Variants in NDST3 observed in about 807,000 individuals in gnomAD.
NDST3 encodes the protein N-deacetylase and N-sulfotransferase 3.
In NDST3, 58 loss-of-function variants were observed where a neutral mutation model predicts 96.1. The observed-to-expected ratio is 0.60, with a 90% CI of 0.49 to 0.75. The LOEUF is 0.75. NDST3 is among the 30% of genes least tolerant of loss of function. The probability of loss-of-function intolerance (pLI) is 0.00; values close to 1 mark genes in which losing one functional copy is unlikely to be tolerated. For missense variants in NDST3, 788 were observed against 1,034.2 expected, an observed-to-expected ratio of 0.76 and a Z score of 3.27; for synonymous variants, 333 against 359.7, an observed-to-expected ratio of 0.93 and a Z score of 0.84.
intron 6 of NDST3, among the ~76,000 whole-genome samples, chr4:118,174,274 A>G (rs549019782): frequency 1.1e-4 from 16 of 152,294 alleles, no homozygotes; most frequent in Non-Finnish European, 1.6e-4. Flanking sequence ...ATGAAAAATC[A>G]TATCAGTTTC....
intron 4 of NDST3, among the ~76,000 whole-genome samples, chr4:118,126,909 C>T (rs935827596): frequency 3.2e-4 from 48 of 151,988 alleles, no homozygotes; most frequent in Non-Finnish European, 6.3e-4. Context: ...GATGACATCT[C>T]ATTATAGTTT....
At chr4:118,195,523 T>A (rs1221067940) in intron 6 of NDST3, among the ~76,000 whole-genome samples, 1 of 152,238 alleles carries the variant, frequency 6.6e-6, no homozygotes, top group Non-Finnish European at 1.5e-5. Flanking sequence ...CCATTAAACC[T>A]TTTTCCTTTA....
At chr4:118,146,469 C>T (rs541090308) in intron 6 of NDST3, among the ~76,000 whole-genome samples, 1 of 152,070 alleles carries the variant, frequency 6.6e-6, no homozygotes, top group Non-Finnish European at 1.5e-5. Flanking sequence ...TATCAAGGTG[C>T]TATACTAACT....
chr4:118,230,586 AAAG>A (rs1560733550), intron 8 of NDST3, among the ~76,000 whole-genome samples: 1 of 152,192 alleles, frequency 6.6e-6, no homozygotes. Context: ...AAAAAAAAAA[AAAG>A]AAGTGAAATT....
In NDST3 at chr4:118,205,210, A is replaced by T. The variant is rs553304339; in HGVS notation, c.1540-19281A>T. On this transcript the variant is annotated intron_variant, in intron 6 of 13. Transcript: ENST00000296499. The stretch of plus-strand genomic sequence containing the variant: ...TTGTGAATGGGGAAGATTTTCATTT[A>T]TGCAGATGGGCTTGAGATAGACAAA... 2.1e-5 allele frequency among the ~76,000 whole-genome samples: 3 copies of T among 144,412 alleles called. 1 individual carries two copies. Among genetic ancestry groups the T allele is most frequent in the African/African-American group, 7.7e-5 (3 of 39,130 alleles). The allele number at this position is 144,412 out of a possible 152,430, so 94.7% of individuals were successfully genotyped here. A position where few individuals can be genotyped will look rare whatever the true frequency, so the allele number is the denominator to read the frequency against.
At chr4:118,191,116 G>A (rs956044116) in intron 6 of NDST3, among the ~76,000 whole-genome samples, 6 of 152,106 alleles carry the variant, frequency 3.9e-5, no homozygotes, top group Non-Finnish European at 7.4e-5. Context: ...TTTCTAAAGG[G>A]AAAACTCTTA....
intron 1 of NDST3, among the ~76,000 whole-genome samples, chr4:118,038,354 A>G (rs1397934891): frequency 6.6e-6 from 1 of 152,176 alleles, no homozygotes; most frequent in Non-Finnish European, 1.5e-5. Flanking sequence ...TGAATAAAAC[A>G]TATTCTTCTC....
At chr4:118,151,580 T>C (rs1471086776) in intron 6 of NDST3, among the ~76,000 whole-genome samples, 1 of 152,030 alleles carries the variant, frequency 6.6e-6, no homozygotes, top group African/African-American at 2.4e-5. Flanking sequence ...TAGGTAAATG[T>C]TAGGATCAGG....
intron 2 of NDST3, among the ~76,000 whole-genome samples, chr4:118,063,619 C>T (rs1425831582): frequency 6.6e-6 from 1 of 152,098 alleles, no homozygotes; most frequent in Non-Finnish European, 1.5e-5. Context: ...CCTGTACAGA[C>T]TGCAGTAAGT....
intron 6 of NDST3, among the ~76,000 whole-genome samples, chr4:118,195,264 A>C (rs10014402): frequency 2.0e-5 from 3 of 152,130 alleles, no homozygotes; most frequent in Non-Finnish European, 4.4e-5. Flanking sequence ...CCCTACCCAA[A>C]TCTCACCTTG....
At chr4:118,084,739 G>C (rs1340923437) in intron 2 of NDST3, among the ~76,000 whole-genome samples, 1 of 152,052 alleles carries the variant, frequency 6.6e-6, no homozygotes, top group African/African-American at 2.4e-5. Flanking sequence ...AACAAATAAA[G>C]GTTAAAAACA....
At chr4:118,066,571 A>G (rs1260730417) in intron 2 of NDST3, among the ~76,000 whole-genome samples, 2 of 84,436 alleles carry the variant, frequency 2.4e-5, no homozygotes, top group African/African-American at 1.0e-4. Flanking sequence ...TATATTATAT[A>G]TACATTATAT....
Position 118,054,428 on chromosome 4 carries a change from A to G in NDST3, c.518A>G (p.Gln173Arg). 6.2e-7 allele frequency: 1 copy of G among 1,613,144 alleles called. No homozygotes were observed. Among genetic ancestry groups the G allele is most frequent in the South Asian group, 1.1e-5 (1 of 91,040 alleles). ...CACAAAACTAGTGAGAAGAGTGTAC[A>G]GAGCTTTCAGTTAAAAGGTTTCCCT... Reference protein sequence around the residue: ...GFHKTSEKSVQSFQLKGFPFS... With the variant: ...GFHKTSEKSVRSFQLKGFPFS... Residue 173 changes from glutamine to arginine, a missense_variant, in exon 2 of 14, where the codon CAG (glutamine) becomes CGG (arginine). Gln to Arg is a conservative substitution (Grantham distance 43, BLOSUM62 1). Around this residue, in one of 3 missense-constraint regions of NDST3, gnomAD observed 234 missense variants for 256.9 expected, o/e 0.91. Transcript: ENST00000296499.
intron 6 of NDST3, among the ~76,000 whole-genome samples, chr4:118,210,392 C>A (rs902837341): frequency 6.6e-6 from 1 of 152,074 alleles, no homozygotes; most frequent in Non-Finnish European, 1.5e-5. Flanking sequence ...AATTATGTGC[C>A]CTTTTTTCCA....
intron 2 of NDST3, among the ~76,000 whole-genome samples, chr4:118,076,132 T>C (rs1727507280): frequency 1.3e-5 from 2 of 152,186 alleles, no homozygotes; most frequent in African/African-American, 4.8e-5. Context: ...CCCCCAATCT[T>C]TTCTGGCTTG....
intron 3 of NDST3, among the ~76,000 whole-genome samples, chr4:118,114,601 A>G (rs970689567): frequency 2.6e-5 from 4 of 152,216 alleles, no homozygotes; most frequent in Admixed American, 2.6e-4. Context: ...ATGTTTAATA[A>G]CATTTAAGAG....
chr4:118,255,474 T>G, intron 13 of NDST3, 119 bp from the exon 14 acceptor site: 1 of 1,049,988 alleles, frequency 9.5e-7, no homozygotes, highest in Non-Finnish European at 1.4e-6. Context: ...ATAGTCCATA[T>G]GCTTAATACA....
At chr4:118,222,026 T>C (rs960364206) in intron 6 of NDST3, among the ~76,000 whole-genome samples, 11 of 151,602 alleles carry the variant, frequency 7.3e-5, no homozygotes, top group African/African-American at 2.7e-4. Flanking sequence ...ACCTCAGTCC[T>C]GAAGCACTCT....
chr4:118,190,924 T>C (rs1183644835), intron 6 of NDST3, among the ~76,000 whole-genome samples: 2 of 152,194 alleles, frequency 1.3e-5, no homozygotes, highest in Non-Finnish European at 2.9e-5. Context: ...TCAAATATTA[T>C]CACATACGCA....
Sources: gnomAD v4.1 joint callset for allele counts (sites outside exome capture counted in the v4.1 genomes callset) on GRCh38, gnomAD v4.1.1 for gene constraint, gnomAD v4.1.1 regional missense constraint, MANE v1.5 for transcripts, NCBI Gene and HGNC (gene_info 2026-07-23, HGNC 2026-07-21) for gene names.